The following CLIP4 variants were observed in gnomAD, a reference collection of about 807,000 sequenced individuals.
The protein encoded by CLIP4 is CAP-Gly domain containing linker protein family member 4, also known as CAP-Gly domain-containing linker protein 4.
A neutral mutation model predicts 73.1 loss-of-function variants in CLIP4; 47 were observed. The observed-to-expected ratio is 0.64, with a 90% CI of 0.51 to 0.82. CLIP4 has a LOEUF of 0.82. Ranked by LOEUF, CLIP4 falls within the 40% of genes least tolerant of loss-of-function variation. CLIP4 has a pLI of 0.00. For missense variants in CLIP4, 874 were observed against 852.9 expected, an observed-to-expected ratio of 1.02 and a Z score of -0.31; for synonymous variants, 306 against 295.4, an observed-to-expected ratio of 1.04 and a Z score of -0.37.
chr2:29,119,516 T>C (rs1453699397), intron 1 of CLIP4, among the ~76,000 whole-genome samples: 1 of 152,180 alleles, frequency 6.6e-6, no homozygotes, highest in African/African-American at 2.4e-5. Flanking sequence ...TAAAAACATG[T>C]CTGAGTCCCA....
Position 29,131,380 on chromosome 2 carries a change from G to A in CLIP4, c.256G>A (p.Asp86Asn), listed in dbSNP as rs1314383127. Residue 86 changes from aspartate to asparagine, a missense_variant, in exon 3 of 16, where the codon GAC becomes AAC. By Grantham distance (23) the Asp-to-Asn change is conservative. Coordinates refer to ENST00000320081, the MANE Select transcript of CLIP4 (RefSeq NM_024692.6). ...QWVPQVQQNI[D>N]IIGNEILKRG... ...GGTTCCTCAGGTCCAACAAAACATT[G>A]ACATTATTGGAAATGAGGTAAGGAA... The A allele has an allele frequency of 6.3e-7, 1 of 1,598,192 alleles. No individual in the cohort carries two copies. The highest frequency in any genetic ancestry group is 1.2e-5 in the South Asian group (1 of 86,210).
upstream of CLIP4, among the ~76,000 whole-genome samples, chr2:29,113,401 A>G (rs1558507821): frequency 2.0e-5 from 3 of 152,204 alleles, no homozygotes; most frequent in East Asian, 3.8e-4. The surrounding 1 kb of genome is among the most constrained non-coding windows in gnomAD (Gnocchi z 4.0). Context: ...TTCTGGCCAC[A>G]TATCATTGTC....
rs1327787722 is a variant in CLIP4 at position 29,181,624 on chromosome 2, A to G, written c.1849A>G (p.Ile617Val). 1 of 1,613,946 alleles carries G rather than the reference A, an allele frequency of 6.2e-7. No homozygotes were observed. Among genetic ancestry groups the G allele is most frequent in the Non-Finnish European group, 8.5e-7 (1 of 1,179,828 alleles). Residue 617 changes from isoleucine (I) to valine (V), a missense_variant, in exon 16 of 16, where the codon ATT (isoleucine) becomes GTT (valine). Coordinates refer to ENST00000320081, the MANE Select transcript of CLIP4 (RefSeq NM_024692.6). Reference protein sequence around the residue: ...SWSSTPTAGGIEGSVKLHEGS... With the variant: ...SWSSTPTAGGVEGSVKLHEGS... ...GAGCAGCACCCCCACCGCAGGTGGC[A>G]TTGAAGGGAGCGTGAAGCTGCACGA...
intron 1 of CLIP4, among the ~76,000 whole-genome samples, chr2:29,100,418 A>T (rs572431109): frequency 2.6e-5 from 4 of 152,120 alleles, no homozygotes; most frequent in Non-Finnish European, 5.9e-5. Context: ...GAGAATCCCT[A>T]TGTGCCCCCC....
chr2:29,147,178 T>G (rs966709282), intron 8 of CLIP4, among the ~76,000 whole-genome samples: 2 of 152,182 alleles, frequency 1.3e-5, no homozygotes, highest in Admixed American at 1.3e-4. Flanking sequence ...AATTTCTATA[T>G]TTTAATTGGT....
chr2:29,098,340 C>T (rs1485608478), intron 1 of CLIP4, among the ~76,000 whole-genome samples: 4 of 152,180 alleles, frequency 2.6e-5, no homozygotes, highest in Non-Finnish European at 5.9e-5. Flanking sequence ...CGTATGTCCA[C>T]CCTTACGGTA....
At chr2:29,124,502 T>C (rs1021370908) in intron 2 of CLIP4, among the ~76,000 whole-genome samples, 2 of 152,182 alleles carry the variant, frequency 1.3e-5, no homozygotes, top group Admixed American at 6.5e-5. Context: ...TCAGTTTTCA[T>C]TAAGTTTGGG....
intron 13 of CLIP4, among the ~76,000 whole-genome samples, chr2:29,166,840 A>G (rs561736928): frequency 6.6e-6 from 1 of 152,310 alleles, no homozygotes; most frequent in South Asian, 2.1e-4. Flanking sequence ...TGGTAATAAG[A>G]TATGCTGGAG....
chr2:29,105,826 G>A (rs951664296), intron 1 of CLIP4, among the ~76,000 whole-genome samples: 1 of 152,192 alleles, frequency 6.6e-6, no homozygotes, highest in Non-Finnish European at 1.5e-5. Flanking sequence ...CAGGCAGAGG[G>A]CCCCTGCCAG....
intron 7 of CLIP4, among the ~76,000 whole-genome samples, chr2:29,144,157 C>G (rs908013011): frequency 6.6e-6 from 1 of 152,186 alleles, no homozygotes; most frequent in Non-Finnish European, 1.5e-5. Flanking sequence ...AAGAAGACAT[C>G]TTTATTTGAA....
intron 6 of CLIP4, among the ~76,000 whole-genome samples, chr2:29,136,482 GA>G (rs1378981529): frequency 1.3e-5 from 2 of 151,892 alleles, no homozygotes; most frequent in Non-Finnish European, 2.9e-5. Context: ...TGGGCACTGG[GA>G]GAATACTACA....
chr2:29,113,769 C>T (rs762138467), upstream of CLIP4, among the ~76,000 whole-genome samples: 12 of 152,210 alleles, frequency 7.9e-5, no homozygotes, highest in African/African-American at 2.2e-4. This position sits in a 1 kb window ranked among gnomAD's most constrained non-coding sequence, Gnocchi z 4.0. Context: ...GAACTGTATA[C>T]GTTTGGAAAC....
intron 14 of CLIP4, 54 bp from the exon 15 acceptor site, chr2:29,174,319 A>C: frequency 7.5e-7 from 1 of 1,340,598 alleles, no homozygotes; most frequent in Non-Finnish European, 1.0e-6. Flanking sequence ...ATCATTTTAA[A>C]TAAGGACTGA....
rs1350150173 is a variant in CLIP4 at position 29,167,528 on chromosome 2, C to G, written c.1711C>G (p.His571Asp). Residue 571 changes from histidine to aspartate, a missense_variant, in exon 14 of 16, where the codon CAT becomes GAT. His to Asp is a moderately conservative substitution (Grantham distance 81). Transcript: ENST00000320081. ...LSEISSNKQN[H>D]SYPGFRRSFS... The stretch of plus-strand genomic sequence containing the variant: ...AGAAATTTCTTCAAATAAACAGAAC[C>G]ATTCTTATCCTGGTAAGACTACACA... The G allele has an allele frequency of 1.9e-6, 3 of 1,604,956 alleles. No individual in the cohort carries two copies. The highest frequency in any genetic ancestry group is 2.6e-6 in the Non-Finnish European group (3 of 1,175,542).
chr2:29,105,079 G>A (rs1282597835), intron 1 of CLIP4, among the ~76,000 whole-genome samples: 1 of 152,178 alleles, frequency 6.6e-6, no homozygotes, highest in Non-Finnish European at 1.5e-5. Flanking sequence ...TTAAAATGAT[G>A]ATTTGTGGGT....
chr2:29,167,414 TA>T, intron 13 of CLIP4, 61 bp from the exon 14 acceptor site: 2 of 1,167,398 alleles, frequency 1.7e-6, no homozygotes, highest in South Asian at 1.5e-5. Context: ...ACTTAGTTGA[TA>T]ACCAGTCTTA....
intron 14 of CLIP4, among the ~76,000 whole-genome samples, chr2:29,168,712 C>T (rs570748162): frequency 2.2e-4 from 33 of 151,034 alleles, no homozygotes; most frequent in Admixed American, 8.6e-4. Flanking sequence ...TTAGTAGAGA[C>T]GGGGTTTCAT....
intron 2 of CLIP4, chr2:29,130,955 T>G (rs1332893923): frequency 3.2e-6 from 4 of 1,268,846 alleles, no homozygotes; most frequent in Non-Finnish European, 4.1e-6. Flanking sequence ...CCTGGTTTTC[T>G]ACCCCAGATT....
intron 1 of CLIP4, among the ~76,000 whole-genome samples, chr2:29,119,625 G>A (rs1159280401): frequency 6.6e-6 from 1 of 152,146 alleles, no homozygotes; most frequent in Non-Finnish European, 1.5e-5. Context: ...GAAAGTAAGT[G>A]GTTTGGTCTT....
Sources: allele counts gnomAD v4.1 joint callset (sites outside exome capture counted in the v4.1 genomes callset), GRCh38; gene constraint gnomAD v4.1.1; non-coding constraint Gnocchi (gnomAD v3.1); transcripts MANE v1.5; gene names NCBI Gene and HGNC (gene_info 2026-07-23, HGNC 2026-07-21).